Variants in ANO7 observed in about 807,000 individuals in gnomAD.
ANO7 encodes the protein anoctamin 7.
Under a neutral mutation model 115.8 loss-of-function variants are expected in ANO7, and 114 were observed. The observed-to-expected ratio is 0.98, with a 90% CI of 0.85 to 1.15. The LOEUF (loss-of-function observed/expected upper bound fraction) is 1.15. Among genes scored for constraint, ANO7 ranks in the 50% most tolerant of loss-of-function variants. The pLI is 0.00. For missense variants in ANO7, 1,302 were observed against 1,201.2 expected, an observed-to-expected ratio of 1.08 and a Z score of -1.24; for synonymous variants, 550 against 498.2, an observed-to-expected ratio of 1.10 and a Z score of -1.38.
At chr2:241,189,286 C>T (rs1004116943) in intron 1 of ANO7, among the ~76,000 whole-genome samples, 2 of 152,170 alleles carry the variant, frequency 1.3e-5, no homozygotes, top group Non-Finnish European at 2.9e-5. Flanking sequence ...TCTGGGCCTC[C>T]GCTAATGTGA....
intron 5 of ANO7, 41 bp downstream of exon 5, chr2:241,199,464 CGGT>C (rs2068418615): frequency 4.4e-6 from 7 of 1,594,888 alleles, no homozygotes; most frequent in Non-Finnish European, 6.0e-6. Flanking sequence ...CTGGAGGTCC[CGGT>C]CCCCACACAC....
the ANO7 span, among the ~76,000 whole-genome samples, chr2:241,232,289 T>TA: frequency 6.6e-6 from 1 of 152,026 alleles, no homozygotes; most frequent in Non-Finnish European, 1.5e-5. Context: ...TTTTTTTTTT[T>TA]TTTAAAGACA....
chr2:241,219,509 C>T (rs1391814576), intron 21 of ANO7, among the ~76,000 whole-genome samples: 3 of 151,696 alleles, frequency 2.0e-5, no homozygotes, highest in East Asian at 1.9e-4. Flanking sequence ...TATTTGGAAC[C>T]GATGGCATAT....
Position 241,215,366 on chromosome 2 carries a change from C to T in ANO7, c.1826+464C>T, listed in dbSNP as rs1402303384. ...AGGGACACCCTGACCACAAGGCTCC[C>T]ATAGCCAGAGTCCTTCAAAGAGGCT... is the stretch of plus-strand genomic sequence containing the variant. On this transcript the variant is annotated intron_variant, in intron 18 of 24. Coordinates refer to ENST00000674324, the MANE Select transcript of ANO7 (RefSeq NM_001370694.2). Among the ~76,000 whole-genome samples, 10 of 152,330 alleles carry T rather than the reference C, an allele frequency of 6.6e-5. No homozygotes were observed. The East Asian group carries it at 9.6e-4, about 15-fold the overall frequency.
chr2:241,213,584 C>T (rs560909221), intron 17 of ANO7, among the ~76,000 whole-genome samples: 65 of 152,262 alleles, frequency 4.3e-4, no homozygotes, highest in African/African-American at 1.5e-3. Context: ...GTAGAGAAGC[C>T]CTCAAAACTG....
At chr2:241,227,222 C>T (rs1190819561), downstream of ANO7, 1 of 152,422 alleles carries the variant, frequency 6.6e-6, no homozygotes, top group Non-Finnish European at 1.5e-5. Flanking sequence ...ATGCCAGTCA[C>T]CACTCCAGGG....
chr2:241,215,756 G>C (rs2068815264), intron 18 of ANO7, among the ~76,000 whole-genome samples: 1 of 152,316 alleles, frequency 6.6e-6, no homozygotes, highest in Middle Eastern at 3.4e-3. Context: ...AGTCGTCCTC[G>C]TCCACTCCCT....
Position 241,217,667 on chromosome 2 carries a change from C to G in ANO7, c.1973-19C>G, listed in dbSNP as rs1292144056. 5 of 1,563,924 alleles carry G rather than the reference C, an allele frequency of 3.2e-6. No homozygotes were observed. Among genetic ancestry groups the G allele is most frequent in the Non-Finnish European group, 4.3e-6 (5 of 1,155,622 alleles). On this transcript the variant is annotated intron_variant, in intron 19 of 24. Coordinates refer to ENST00000674324, the MANE Select transcript of ANO7 (RefSeq NM_001370694.2). ...GGCGGACGGTGGCGGAGAGCCCGGCCGTGACCCCCTCCCCGCAGTGCTGCA... is the reference window on the plus strand; with the variant it reads ...GGCGGACGGTGGCGGAGAGCCCGGCGGTGACCCCCTCCCCGCAGTGCTGCA...
the ANO7 span, chr2:241,236,481 G>A: frequency 2.0e-5 from 17 of 869,890 alleles, no homozygotes; most frequent in South Asian, 6.2e-5. Context: ...GTGCGCACAC[G>A]GTAGGAGCAA....
At chr2:241,205,085 G>C in intron 10 of ANO7, 130 bp downstream of exon 10, 1 of 719,274 alleles carries the variant, frequency 1.4e-6, no homozygotes, top group Non-Finnish European at 2.4e-6. Context: ...TGTGAGGTGA[G>C]CACATGCCTG....
the ANO7 span, chr2:241,238,438 T>C: frequency 2.5e-6 from 1 of 406,146 alleles, no homozygotes; most frequent in Non-Finnish European, 4.4e-6. The surrounding 1 kb of genome is among the most constrained non-coding windows in gnomAD (Gnocchi z 4.9). Flanking sequence ...CTCTAGGACC[T>C]ATGAAGGTCA....
At chr2:241,190,224 G>A in intron 2 of ANO7, 53 bp downstream of exon 2, 1 of 1,468,244 alleles carries the variant, frequency 6.8e-7, no homozygotes. Context: ...CCCCTGCCTG[G>A]GTCTATGCCC....
downstream of ANO7, chr2:241,229,784 G>GGCCCCC: frequency 1.3e-6 from 2 of 1,502,518 alleles, no homozygotes; most frequent in Non-Finnish European, 1.8e-6. Flanking sequence ...AAGCCCGCCT[G>GGCCCCC]CCCGCCCACC....
At chr2:241,237,521 G>C in the ANO7 span, among the ~76,000 whole-genome samples, 1 of 152,104 alleles carries the variant, frequency 6.6e-6, no homozygotes, top group South Asian at 2.1e-4. Context: ...TGAAATCAAG[G>C]GTGATCCTAG....
chr2:241,234,064 G>A, the ANO7 span: 1 of 1,378,928 alleles, frequency 7.3e-7, no homozygotes, highest in Admixed American at 1.8e-5. Context: ...AGATGCTGCA[G>A]TGTTCTGTAA....
At position 241,223,812 on chromosome 2, in the gene ANO7, C is replaced by A. The variant is rs2149280871; in HGVS notation, c.2532+31C>A. 3.7e-6 allele frequency: 6 copies of A among 1,614,170 alleles called. No homozygotes were observed. The East Asian group carries it at 1.3e-4, about 36-fold the overall frequency. ...CTGTACAGCCCAGTCTCGGCCCTCC[C>A]CCCAGCCCTCTCCCTATCCTTGTCA... On this transcript the variant is annotated intron_variant, in intron 23 of 24. Transcript: ENST00000674324.
At chr2:241,199,588 C>G (rs1277780609) in intron 5 of ANO7, among the ~76,000 whole-genome samples, 165 bp downstream of exon 5, 1 of 152,226 alleles carries the variant, frequency 6.6e-6, no homozygotes, top group Non-Finnish European at 1.5e-5. Context: ...ACTGGGCAAA[C>G]AGGGCAGGTG....
intron 19 of ANO7, 46 bp from the exon 20 acceptor site, chr2:241,217,640 A>T: frequency 6.5e-7 from 1 of 1,536,476 alleles, no homozygotes; most frequent in Non-Finnish European, 8.8e-7. Context: ...CCGAGGGCTG[A>T]GGGCGGACGG....
chr2:241,224,716 A>T lies in ANO7; in HGVS notation c.*563A>T, dbSNP rs2069116757. The T allele has an allele frequency of 6.5e-6, 1 of 152,692 alleles. No individual in the cohort carries two copies. Among genetic ancestry groups the T allele is most frequent in the Non-Finnish European group, 1.5e-5 (1 of 68,668 alleles). 9.5% of individuals were successfully genotyped at this position (152,692 alleles called of 1,614,324 possible). A position where few individuals can be genotyped will look rare whatever the true frequency, so the allele number is the denominator to read the frequency against. The stretch of plus-strand genomic sequence containing the variant: ...CTGTTGAACCCCTCCCTCCATTCCC[A>T]GTTATCTGGGTCCTCTGGATTCTTC... On this transcript the variant is annotated 3_prime_UTR_variant, in exon 25 of 25. Coordinates refer to ENST00000674324, the MANE Select transcript of ANO7 (RefSeq NM_001370694.2).
Sources: gnomAD v4.1 joint callset for allele counts (sites outside exome capture counted in the v4.1 genomes callset) on GRCh38, gnomAD v4.1.1 for gene constraint, Gnocchi (gnomAD v3.1) non-coding constraint, MANE v1.5 for transcripts, NCBI Gene and HGNC (gene_info 2026-07-23, HGNC 2026-07-21) for gene names.